PCDH15: variants seen among roughly 807,000 people sequenced by gnomAD.
The protein encoded by PCDH15 is protocadherin related 15, also known as protocadherin-15.
Under a neutral mutation model 178.5 loss-of-function variants are expected in PCDH15, and 129 were observed. The observed-to-expected ratio is 0.72, with a 90% confidence interval of 0.63 to 0.84. The LOEUF is 0.84. Among genes scored for constraint, PCDH15 ranks in the 40% least tolerant of loss-of-function variants. The pLI is 0.00. For synonymous variants in PCDH15, 800 were observed against 732.0 expected (o/e 1.09, Z -1.50); for missense variants, 2,230 against 2,099.9 (o/e 1.06, Z -1.21).
At chr10:54,151,016 A>T (rs2044473423) in intron 14 of PCDH15, among the ~76,000 whole-genome samples, 1 of 152,172 alleles carries the variant, frequency 6.6e-6, no homozygotes, top group Admixed American at 6.6e-5. Flanking sequence ...TCAACTCAAG[A>T]AGAAAAGTCA....
chr10:55,051,911 G>A (rs1241101997), intron 2 of PCDH15, among the ~76,000 whole-genome samples: 2 of 152,042 alleles, frequency 1.3e-5, no homozygotes, highest in Non-Finnish European at 2.9e-5. Context: ...CTGGCCTTGG[G>A]AAAATAGACT....
intron 2 of PCDH15, among the ~76,000 whole-genome samples, chr10:55,136,243 T>G (rs549959997): frequency 6.6e-6 from 1 of 152,298 alleles, no homozygotes; most frequent in Non-Finnish European, 1.5e-5. Context: ...AGTAGCTCTA[T>G]GACTTTGGGT....
intron 2 of PCDH15, among the ~76,000 whole-genome samples, chr10:55,385,693 C>CTATATATATATATATA (rs57143868): frequency 5.4e-5 from 7 of 128,742 alleles, no homozygotes; most frequent in South Asian, 5.2e-4. Context: ...CTTCCTCTGC[C>CTATATATATATATATA]TATATATATA....
intron 2 of PCDH15, among the ~76,000 whole-genome samples, chr10:54,963,714 T>C (rs1232957258): frequency 6.6e-6 from 1 of 152,226 alleles, no homozygotes; most frequent in African/African-American, 2.4e-5. Context: ...TTAATTCTCT[T>C]TCAATTTTCC....
chr10:55,282,731 A>T (rs1408515771), intron 1 of PCDH15, among the ~76,000 whole-genome samples: 1 of 152,226 alleles, frequency 6.6e-6, no homozygotes, highest in African/African-American at 2.4e-5. Context: ...CATATGACAG[A>T]CAACTTGCCC....
chr10:55,197,828 T>C (rs767578075), intron 1 of PCDH15, among the ~76,000 whole-genome samples: 1 of 152,122 alleles, frequency 6.6e-6, no homozygotes, highest in Non-Finnish European at 1.5e-5. Context: ...TAATATTTAT[T>C]TGAATGTACC....
chr10:54,349,782 C>T lies in PCDH15; in HGVS notation c.475-3298G>A, dbSNP rs184481745. 2.1e-3 allele frequency among the ~76,000 whole-genome samples: 327 copies of T among 152,110 alleles called. 1 individual carries two copies. The highest frequency in any genetic ancestry group is 6.8e-3 in the Middle Eastern group (2 of 294). Reference sequence around the variant, plus strand: ...AAGCCTACCAAAGATTGATAATAGACCACAGGAAAAAAATTGAATATGCAT... The same window carrying T: ...AAGCCTACCAAAGATTGATAATAGATCACAGGAAAAAAATTGAATATGCAT... On this transcript the variant is annotated intron_variant, in intron 5 of 37. Transcript: ENST00000644397.
intron 5 of PCDH15, among the ~76,000 whole-genome samples, chr10:54,363,908 A>T (rs1946423921): frequency 6.6e-6 from 1 of 152,094 alleles, no homozygotes; most frequent in Admixed American, 6.6e-5. Context: ...GATGTATAAA[A>T]TTTATTTCTT....
intron 2 of PCDH15, among the ~76,000 whole-genome samples, chr10:55,491,075 C>A (rs1404159967): frequency 6.6e-6 from 1 of 151,708 alleles, no homozygotes; most frequent in East Asian, 2.0e-4. Flanking sequence ...CAAAAGCCTG[C>A]TGAATTTCAT....
At chr10:54,271,440 T>C (rs11004194) in intron 8 of PCDH15, among the ~76,000 whole-genome samples, 104,527 of 151,920 alleles carry the variant, frequency 0.69, 36,831 homozygotes, top group Middle Eastern at 0.77. Flanking sequence ...GAACTCCTGA[T>C]CTCAGATTAT....
At chr10:53,891,671 G>A (rs1025991000) in intron 26 of PCDH15, among the ~76,000 whole-genome samples, 2 of 152,182 alleles carry the variant, frequency 1.3e-5, no homozygotes, top group East Asian at 3.9e-4. Flanking sequence ...AAAGTATCCA[G>A]GCTGGTCGTT....
intron 3 of PCDH15, among the ~76,000 whole-genome samples, chr10:54,427,689 A>AT (rs1324476127): frequency 6.6e-6 from 1 of 152,108 alleles, no homozygotes; most frequent in African/African-American, 2.4e-5. Context: ...AATCTATTTA[A>AT]TTTTTTCTTT....
chr10:54,453,109 G>A (rs2076585078), intron 3 of PCDH15, among the ~76,000 whole-genome samples: 1 of 152,028 alleles, frequency 6.6e-6, no homozygotes. Context: ...ATTCTTCAGG[G>A]ATCTAGAACT....
chr10:54,426,560 G>A (rs1433812837), intron 3 of PCDH15, among the ~76,000 whole-genome samples: 1 of 152,152 alleles, frequency 6.6e-6, no homozygotes, highest in Admixed American at 6.6e-5. Flanking sequence ...CCTGGGGGTT[G>A]GGACCCCTGT....
chr10:55,507,670 T>C (rs1338179847), intron 2 of PCDH15, among the ~76,000 whole-genome samples: 1 of 151,430 alleles, frequency 6.6e-6, no homozygotes, highest in Non-Finnish European at 1.5e-5. Flanking sequence ...TGGGAAAAAC[T>C]GGTCCAGAAA....
chr10:54,640,703 C>A (rs2093967904), intron 2 of PCDH15, among the ~76,000 whole-genome samples: 1 of 150,990 alleles, frequency 6.6e-6, no homozygotes, highest in African/African-American at 2.4e-5. Context: ...TATATGAGTT[C>A]TAAAATCAGA....
rs187367542 is a variant in PCDH15, at chr10:54,486,555, C to G, written c.157+41257G>C. Among the ~76,000 whole-genome samples the G allele has an allele frequency of 4.0e-5, 6 of 151,708 alleles. No individual in the cohort carries two copies. The East Asian group carries it at 1.2e-3, about 29-fold the overall frequency. On this transcript the variant is annotated intron_variant, in intron 3 of 37. Coordinates refer to ENST00000644397, the MANE Select transcript of PCDH15 (RefSeq NM_001384140.1). ...GTTATTCCCAAATATGTTCATTCTT[C>G]CTTTCTTTCTTCCTTTCCCTTCCTT...
At chr10:54,729,340 T>C (rs540345991) in intron 1 of PCDH15, among the ~76,000 whole-genome samples, 19 of 151,754 alleles carry the variant, frequency 1.3e-4, no homozygotes, top group African/African-American at 4.6e-4. Flanking sequence ...ATTCAATAAA[T>C]GAAGCTGCAG....
chr10:54,779,015 C>A (rs1427733919), intron 1 of PCDH15, among the ~76,000 whole-genome samples: 1 of 152,028 alleles, frequency 6.6e-6, no homozygotes, highest in South Asian at 2.1e-4. Flanking sequence ...GAAGGGATTT[C>A]TCCTTTTACT....
Sources: gnomAD v4.1 joint callset for allele counts (sites outside exome capture counted in the v4.1 genomes callset) on GRCh38, gnomAD v4.1.1 for gene constraint, MANE v1.5 for transcripts, NCBI Gene and HGNC (gene_info 2026-07-23, HGNC 2026-07-21) for gene names.